The following CLSTN2 variants were observed in gnomAD, a reference collection of about 807,000 sequenced individuals.
CLSTN2 encodes calsyntenin 2.
A neutral mutation model predicts 101.2 loss-of-function variants in CLSTN2; 48 were observed. The ratio of observed to expected loss-of-function variants is 0.47; its 90% CI spans 0.38 to 0.60. CLSTN2 has a LOEUF of 0.60. Among genes scored for constraint, CLSTN2 ranks in the 20% least tolerant of loss-of-function variants. CLSTN2 has a pLI of 0.00. For synonymous variants in CLSTN2, 481 were observed against 463.6 expected, an observed-to-expected ratio of 1.04 and a Z score of -0.48; for missense variants, 1,160 against 1,238.2, an observed-to-expected ratio of 0.94 and a Z score of 0.95.
intron 1 of CLSTN2, among the ~76,000 whole-genome samples, chr3:140,163,817 G>A (rs1174767898): frequency 6.6e-6 from 1 of 151,784 alleles, no homozygotes; most frequent in South Asian, 2.1e-4. Context: ...ATGAGAACAC[G>A]ACCGTAAAGG....
chr3:140,224,653 A>G (rs1184521066), intron 2 of CLSTN2, among the ~76,000 whole-genome samples: 1 of 152,196 alleles, frequency 6.6e-6, no homozygotes, highest in Non-Finnish European at 1.5e-5. Flanking sequence ...TAATCATATA[A>G]TCAGTCATAA....
intron 2 of CLSTN2, among the ~76,000 whole-genome samples, chr3:140,206,223 A>G (rs985766979): frequency 8.5e-5 from 13 of 152,282 alleles, no homozygotes; most frequent in East Asian, 3.9e-4. Flanking sequence ...GAGTTAAGAG[A>G]GGCAGGATGC....
At chr3:140,148,274 A>T (rs2009811945) in intron 1 of CLSTN2, among the ~76,000 whole-genome samples, 1 of 152,206 alleles carries the variant, frequency 6.6e-6, no homozygotes, top group South Asian at 2.1e-4. Flanking sequence ...CACCAAGGAG[A>T]GCTCAGAGAA....
chr3:139,978,651 TGTGTGTGTGTG>T (rs1560060168), intron 1 of CLSTN2, among the ~76,000 whole-genome samples: 1 of 1,572 alleles, frequency 6.4e-4, no homozygotes, highest in Non-Finnish European at 1.7e-3. Context: ...TGGGGGATTG[TGTGTGTGTGTG>T]TGTGTGTGTG....
intron 2 of CLSTN2, among the ~76,000 whole-genome samples, chr3:140,321,756 T>A (rs1348493863): frequency 6.6e-6 from 1 of 152,132 alleles, no homozygotes; most frequent in Non-Finnish European, 1.5e-5. Flanking sequence ...CCCCAGAGTT[T>A]ATCAGATTGT....
chr3:140,054,474 C>T (rs1325677924), intron 1 of CLSTN2, among the ~76,000 whole-genome samples: 2 of 152,080 alleles, frequency 1.3e-5, no homozygotes, highest in Admixed American at 1.3e-4. Context: ...ATAATTTGTC[C>T]AAGACCACGC....
At chr3:140,039,813 A>G (rs1440834451) in intron 1 of CLSTN2, among the ~76,000 whole-genome samples, 7 of 152,214 alleles carry the variant, frequency 4.6e-5, no homozygotes, top group Non-Finnish European at 1.0e-4. Flanking sequence ...ACATAGATAT[A>G]TTACAAAGTA....
intron 6 of CLSTN2, among the ~76,000 whole-genome samples, chr3:140,451,877 CTT>C (rs1437298159): frequency 1.3e-5 from 2 of 152,250 alleles, no homozygotes; most frequent in East Asian, 3.9e-4. Flanking sequence ...TCCTACAAAT[CTT>C]TATTGACTTT....
At position 140,485,114 on chromosome 3, in the gene CLSTN2, G is replaced by A. The variant is rs566682414; in HGVS notation, c.1344+18383G>A. Among the ~76,000 whole-genome samples the A allele has an allele frequency of 9.2e-5, 14 of 152,216 alleles. No homozygotes were observed. In the East Asian group the frequency reaches 2.5e-3, roughly 27 times the overall value. ...TTTTATCTACCTTTGGTCTTTGATG[G>A]TGGTGACGTACAGATGGGATTTTGG... On this transcript the variant is annotated intron_variant, in intron 8 of 16. Coordinates refer to ENST00000458420, the MANE Select transcript of CLSTN2 (RefSeq NM_022131.3).
chr3:140,376,797 A>G (rs753020623), intron 2 of CLSTN2, among the ~76,000 whole-genome samples: 1 of 152,184 alleles, frequency 6.6e-6, no homozygotes, highest in Non-Finnish European at 1.5e-5. Flanking sequence ...CTTGGAAGGA[A>G]GAATAAGGAA....
At position 140,286,367 on chromosome 3, in the gene CLSTN2, G is replaced by A. The variant is rs116247117; in HGVS notation, c.232+110294G>A. Among the ~76,000 whole-genome samples the A allele has an allele frequency of 3.8e-3, 575 of 152,262 alleles. 4 individuals are homozygous for A. The highest frequency in any genetic ancestry group is 0.013 in the African/African-American group (536 of 41,554). Reference sequence around the variant, plus strand: ...CAAATCAGTTAAGTGTTTATCGATCGTCCTTTCTGTTCAGTCCTGTGTAGA... The same window carrying A: ...CAAATCAGTTAAGTGTTTATCGATCATCCTTTCTGTTCAGTCCTGTGTAGA... On this transcript the variant is annotated intron_variant, in intron 2 of 16. Transcript: ENST00000458420.
At chr3:140,126,372 G>A (rs999262159) in intron 1 of CLSTN2, among the ~76,000 whole-genome samples, 1 of 152,056 alleles carries the variant, frequency 6.6e-6, no homozygotes, top group African/African-American at 2.4e-5. Context: ...GTGTGGAAGT[G>A]GCAGTGGGGA....
At chr3:140,111,802 T>A (rs1309921988) in intron 1 of CLSTN2, among the ~76,000 whole-genome samples, 1 of 152,150 alleles carries the variant, frequency 6.6e-6, no homozygotes, top group Non-Finnish European at 1.5e-5. Context: ...GACTGCCCCC[T>A]CTGCACCAGA....
chr3:140,191,787 A>G, intron 2 of CLSTN2, among the ~76,000 whole-genome samples: 1 of 151,878 alleles, frequency 6.6e-6, no homozygotes, highest in East Asian at 1.9e-4. Context: ...TTTCATATTT[A>G]GTGCAGGTTT....
chr3:139,945,301 C>T (rs951129091), intron 1 of CLSTN2, among the ~76,000 whole-genome samples: 1 of 152,168 alleles, frequency 6.6e-6, no homozygotes, highest in Non-Finnish European at 1.5e-5. Flanking sequence ...GAGTCTCTAT[C>T]ACATGCAGAA....
intron 2 of CLSTN2, among the ~76,000 whole-genome samples, chr3:140,248,147 G>A (rs995282535): frequency 1.3e-5 from 2 of 152,332 alleles, no homozygotes; most frequent in Non-Finnish European, 2.9e-5. Flanking sequence ...TGGAGGAGCA[G>A]GGCAATGTGA....
At chr3:140,282,169 C>T (rs572162852) in intron 2 of CLSTN2, among the ~76,000 whole-genome samples, 1 of 152,310 alleles carries the variant, frequency 6.6e-6, no homozygotes, top group African/African-American at 2.4e-5. Context: ...TCTGCTCAGT[C>T]CATGAGCCAG....
At position 140,490,552 on chromosome 3, in the gene CLSTN2, G is replaced by A. The variant is rs138670292; in HGVS notation, c.1344+23821G>A. 3.5e-3 allele frequency among the ~76,000 whole-genome samples: 516 copies of A among 145,526 alleles called. 2 individuals carry two copies. The highest frequency in any genetic ancestry group is 0.013 in the African/African-American group (501 of 39,480). On this transcript the variant is annotated intron_variant, in intron 8 of 16. Coordinates refer to ENST00000458420, the MANE Select transcript of CLSTN2 (RefSeq NM_022131.3). ...TCGGGCTGCAGTGAGCTGAGATTGT[G>A]CCACTGTACTCCATCCTGGGTGACA...
intron 2 of CLSTN2, among the ~76,000 whole-genome samples, chr3:140,391,295 T>C (rs1421562636): frequency 7.1e-6 from 1 of 140,242 alleles, no homozygotes; most frequent in Non-Finnish European, 1.5e-5. Context: ...CCTAGTAGCT[T>C]CCTCCAGGTT....
Sources: gnomAD v4.1 joint callset for allele counts (sites outside exome capture counted in the v4.1 genomes callset) on GRCh38, gnomAD v4.1.1 for gene constraint, MANE v1.5 for transcripts, NCBI Gene and HGNC (gene_info 2026-07-23, HGNC 2026-07-21) for gene names.